Variants in FSTL4 observed in about 807,000 individuals in gnomAD.
The protein encoded by FSTL4 is follistatin like 4, also known as follistatin-related protein 4.
FSTL4 carries 28 observed loss-of-function variants against 78.2 expected under a neutral mutation model. The ratio of observed to expected loss-of-function variants is 0.36; its 90% CI spans 0.27 to 0.49. FSTL4 has a LOEUF of 0.49. Among genes scored for constraint, FSTL4 ranks in the 20% least tolerant of loss-of-function variants. The pLI, the probability that FSTL4 is intolerant of heterozygous loss-of-function variation, is 0.98. For missense variants in FSTL4, 922 were observed against 1,084.9 expected, an observed-to-expected ratio of 0.85 and a Z score of 2.11; for synonymous variants, 422 against 440.5, an observed-to-expected ratio of 0.96 and a Z score of 0.53.
chr5:133,796,866 G>T, the FSTL4 span, among the ~76,000 whole-genome samples: 5 of 152,172 alleles, frequency 3.3e-5, no homozygotes, highest in South Asian at 1.0e-3. Flanking sequence ...ATCGCCCTGG[G>T]TAGAAGTGTT....
At chr5:133,424,304 G>A (rs1756760456) in intron 3 of FSTL4, among the ~76,000 whole-genome samples, 1 of 152,216 alleles carries the variant, frequency 6.6e-6, no homozygotes, top group African/African-American at 2.4e-5. Context: ...AAGTTATCAT[G>A]AGATGATCAC....
chr5:133,541,430 T>C (rs998136067), intron 3 of FSTL4, among the ~76,000 whole-genome samples: 8 of 152,294 alleles, frequency 5.3e-5, no homozygotes, highest in African/African-American at 1.9e-4. Flanking sequence ...CCAGCCAGCA[T>C]GGTGGAAGCT....
chr5:133,598,544 G>A (rs1270588245), intron 2 of FSTL4, among the ~76,000 whole-genome samples: 1 of 152,050 alleles, frequency 6.6e-6, no homozygotes, highest in African/African-American at 2.4e-5. Context: ...GGGAGGTTGT[G>A]CCCTCCCAGT....
rs532412275 is a variant in FSTL4, at chr5:133,568,227, A to G, written c.127-1008T>C. Among the ~76,000 whole-genome samples the G allele has an allele frequency of 2.0e-5, 3 of 152,346 alleles. No homozygotes were observed. In the South Asian group the frequency reaches 6.2e-4, roughly 32 times the overall value. ...TCATAACTAATATAAAGTATCTCCA[A>G]TTCATCATAAACGACATGTTTTGGA... On this transcript the variant is annotated intron_variant, in intron 2 of 15. Coordinates refer to ENST00000265342, the MANE Select transcript of FSTL4 (RefSeq NM_015082.2).
At chr5:133,671,962 G>A in the FSTL4 span, among the ~76,000 whole-genome samples, 16 of 152,310 alleles carry the variant, frequency 1.1e-4, no homozygotes, top group African/African-American at 3.6e-4. Context: ...ACAGGTCTTT[G>A]AATAAATTTT....
intron 6 of FSTL4, 40 bp downstream of exon 6, chr5:133,312,614 C>G: frequency 1.2e-6 from 2 of 1,606,874 alleles, no homozygotes; most frequent in South Asian, 1.1e-5. Flanking sequence ...GCAGAAGCAC[C>G]TGCAGAAATA....
At chr5:133,525,277 C>T (rs1237721565) in intron 3 of FSTL4, among the ~76,000 whole-genome samples, 1 of 152,218 alleles carries the variant, frequency 6.6e-6, no homozygotes, top group African/African-American at 2.4e-5. Flanking sequence ...TTGATGAGGG[C>T]TGGGTTGTTT....
intron 3 of FSTL4, among the ~76,000 whole-genome samples, chr5:133,527,981 C>T (rs1759171518): frequency 6.6e-6 from 1 of 152,204 alleles, no homozygotes; most frequent in South Asian, 2.1e-4. Flanking sequence ...AGCCAGATGC[C>T]TATGTTGGGA....
chr5:133,798,707 C>A, the FSTL4 span, among the ~76,000 whole-genome samples: 1 of 152,022 alleles, frequency 6.6e-6, no homozygotes, highest in East Asian at 1.9e-4. Context: ...CATCAAGGGA[C>A]AACCGAAATC....
intron 3 of FSTL4, among the ~76,000 whole-genome samples, chr5:133,412,907 T>C: frequency 6.6e-6 from 1 of 152,172 alleles, no homozygotes; most frequent in East Asian, 1.9e-4. Context: ...TGGTGATTCA[T>C]TCATTGTCCT....
At chr5:133,278,558 A>G (rs1256391992) in intron 6 of FSTL4, among the ~76,000 whole-genome samples, 1 of 152,150 alleles carries the variant, frequency 6.6e-6, no homozygotes, top group Non-Finnish European at 1.5e-5. Flanking sequence ...TCCCTGCAAC[A>G]CAGTCTAAGG....
In FSTL4 at chr5:133,210,274, C is replaced by T; in HGVS notation, c.1633G>A (p.Ala545Thr). Residue 545 changes from alanine to threonine, a missense_variant, in exon 14 of 16, where the codon GCT becomes ACT. By Grantham distance (58) the Ala-to-Thr change is moderately conservative. Coordinates refer to ENST00000265342, the MANE Select transcript of FSTL4 (RefSeq NM_015082.2). ...TGTGACTTGTCATAGGACAGCTTAG[C>T]CGGCAGAGGGTCCACACCTATGGAC... The part of the protein sequence containing the change: ...LQSIGVDPLP[A>T]KLSYDKSHDQ... 1 of 1,609,246 alleles carries T rather than the reference C, an allele frequency of 6.2e-7. No individual in the cohort carries two copies. The highest frequency in any genetic ancestry group is 8.5e-7 in the Non-Finnish European group (1 of 1,175,824).
intron 3 of FSTL4, among the ~76,000 whole-genome samples, chr5:133,524,752 C>A (rs1759056438): frequency 6.6e-6 from 1 of 152,186 alleles, no homozygotes. Flanking sequence ...AAATCACAAC[C>A]AACAGACAGC....
rs372540268 is a variant in FSTL4, at chr5:133,316,669, G to C, written c.410-17C>G. On this transcript the variant is annotated splice_polypyrimidine_tract_variant and intron_variant, in intron 4 of 15. Transcript: ENST00000265342. Reference sequence around the variant, plus strand: ...ACGTGTCACCTGAAAGAGAAGGTGAGGTTATTATTTTGAGACTTATCCCGT... The same window carrying C: ...ACGTGTCACCTGAAAGAGAAGGTGACGTTATTATTTTGAGACTTATCCCGT... 84 of 1,590,786 alleles carry C rather than the reference G, an allele frequency of 5.3e-5. No individual in the cohort carries two copies. Among genetic ancestry groups the C allele is most frequent in the Non-Finnish European group, 7.1e-5 (82 of 1,162,854 alleles).
intron 4 of FSTL4, among the ~76,000 whole-genome samples, chr5:133,322,235 AC>A (rs1754078876): frequency 1.3e-5 from 1 of 76,562 alleles, no homozygotes; most frequent in Admixed American, 1.1e-4. Context: ...CCACACACAC[AC>A]ACACCCCCAC....
intron 5 of FSTL4, 62 bp downstream of exon 5, chr5:133,316,396 CG>C (rs1561668685): frequency 3.1e-6 from 4 of 1,306,326 alleles, no homozygotes; most frequent in Non-Finnish European, 4.4e-6. Context: ...ACCAGGGGGC[CG>C]GGGTGGGAAA....
intron 3 of FSTL4, among the ~76,000 whole-genome samples, chr5:133,484,716 G>C (rs530706730): frequency 2.0e-5 from 3 of 152,322 alleles, no homozygotes; most frequent in South Asian, 2.1e-4. Context: ...ACAGTGAAAA[G>C]AGCCTAGTGT....
chr5:133,772,418 G>A, the FSTL4 span, among the ~76,000 whole-genome samples: 5 of 152,160 alleles, frequency 3.3e-5, no homozygotes, highest in African/African-American at 1.2e-4. Context: ...TTGTCCATTT[G>A]ATGTTGAATC....
At chr5:133,245,532 C>T (rs1472782624) in intron 7 of FSTL4, among the ~76,000 whole-genome samples, 1 of 152,248 alleles carries the variant, frequency 6.6e-6, no homozygotes, top group African/African-American at 2.4e-5. Context: ...TCGCTTATTC[C>T]TGTCTCCTGA....
Sources: allele counts gnomAD v4.1 joint callset (sites outside exome capture counted in the v4.1 genomes callset), GRCh38; gene constraint gnomAD v4.1.1; transcripts MANE v1.5; gene names NCBI Gene and HGNC (gene_info 2026-07-23, HGNC 2026-07-21).